Variants in QSOX2 observed in about 807,000 individuals in gnomAD.
The protein encoded by QSOX2 is sulfhydryl oxidase 2.
In QSOX2, 46 loss-of-function variants were observed where a neutral mutation model predicts 61.7. That is an observed-to-expected ratio of 0.75 (90% CI 0.59 to 0.95). The LOEUF is 0.95. QSOX2 is among the 40% of genes least tolerant of loss of function. The probability of loss-of-function intolerance (pLI) is 0.00; values close to 1 mark genes in which losing one functional copy is unlikely to be tolerated. For missense variants in QSOX2, 879 were observed against 918.9 expected, an observed-to-expected ratio of 0.96 and a Z score of 0.56; for synonymous variants, 383 against 388.4, an observed-to-expected ratio of 0.99 and a Z score of 0.16.
At chr9:136,216,477 C>G in intron 9 of QSOX2, 123 bp downstream of exon 9, 1 of 1,334,076 alleles carries the variant, frequency 7.5e-7, no homozygotes, top group Non-Finnish European at 1.0e-6. Flanking sequence ...GACAGTAAGT[C>G]ACTGCTCCCC....
At chr9:136,219,261 C>G in intron 6 of QSOX2, 97 bp from the exon 7 acceptor site, 5 of 1,429,012 alleles carry the variant, frequency 3.5e-6, no homozygotes, top group Non-Finnish European at 4.7e-6. Context: ...CCACCCCTTT[C>G]ATCCTTTGGG....
At chr9:136,245,260 G>T (rs1468708258) in intron 1 of QSOX2, among the ~76,000 whole-genome samples, 2 of 152,196 alleles carry the variant, frequency 1.3e-5, no homozygotes, top group African/African-American at 4.8e-5. Flanking sequence ...GGATTAACTG[G>T]GAGAGACATG....
chr9:136,222,066 G>C lies in QSOX2; in HGVS notation c.676-125C>G. On this transcript the variant is annotated intron_variant, in intron 5 of 11. Transcript: ENST00000358701. This position sits in a 1 kb window ranked among gnomAD's most constrained non-coding sequence, Gnocchi z 6.9. ...GGGCATGAAGTCTGTCCCCCTGCAG[G>C]CAAGACCCTCACTCAAATCTTCACT... 1 of 954,972 alleles carries C rather than the reference G, an allele frequency of 1.0e-6. No individual in the cohort carries two copies. The highest frequency in any genetic ancestry group is 1.5e-6 in the Non-Finnish European group (1 of 684,356). The allele number at this position is 954,972 out of a possible 1,614,324, so 59.2% of individuals were successfully genotyped here.
intron 7 of QSOX2, 57 bp downstream of exon 7, chr9:136,218,973 C>T: frequency 1.3e-6 from 2 of 1,594,372 alleles, no homozygotes. Context: ...TGCAAGCACG[C>T]AGCCTTCGGT....
chr9:136,217,495 A>T (rs1831928445), intron 8 of QSOX2, among the ~76,000 whole-genome samples: 1 of 152,134 alleles, frequency 6.6e-6, no homozygotes, highest in Non-Finnish European at 1.5e-5. Flanking sequence ...AGTCCAATAT[A>T]TTTTCTCCCG....
chr9:136,245,654 G>T lies in QSOX2; in HGVS notation c.150C>A (p.Gly50=). The change falls in exon 1 of 12, where the codon GGC becomes GGA. Residue 50 remains glycine, a synonymous_variant. Coordinates refer to ENST00000358701, the MANE Select transcript of QSOX2 (RefSeq NM_181701.4). The part of the protein sequence containing the change: ...LAAAAVGPGA[G]GAARLYRAGE... The stretch of plus-strand genomic sequence containing the variant: ...CCGCGCGGTACAGCCGCGCCGCACC[G>T]CCCGCGCCCGGCCCCACCGCCGCCG... The T allele has an allele frequency of 1.6e-6, 2 of 1,257,024 alleles. No individual in the cohort carries two copies. The highest frequency in any genetic ancestry group is 3.1e-5 in the African/African-American group (2 of 63,562). 77.9% of individuals were successfully genotyped at this position (1,257,024 alleles called of 1,614,324 possible). A position where few individuals can be genotyped will look rare whatever the true frequency, so the allele number is the denominator to read the frequency against.
chr9:136,226,074 C>T (rs372261692), intron 2 of QSOX2, among the ~76,000 whole-genome samples: 2 of 152,200 alleles, frequency 1.3e-5, no homozygotes, highest in African/African-American at 2.4e-5. Flanking sequence ...AAAATACAAG[C>T]GAAGCCACCA....
intron 1 of QSOX2, among the ~76,000 whole-genome samples, chr9:136,234,274 C>T (rs7864754): frequency 0.43 from 65,831 of 152,164 alleles, 15,756 homozygotes; most frequent in African/African-American, 0.67. Flanking sequence ...GACCGTTTGT[C>T]ACTGGTAAGG....
At chr9:136,235,238 G>A (rs1316620412) in intron 1 of QSOX2, among the ~76,000 whole-genome samples, 2 of 152,240 alleles carry the variant, frequency 1.3e-5, no homozygotes, top group Admixed American at 1.3e-4. Flanking sequence ...CACGAGTGCT[G>A]GCACAGCACA....
At chr9:136,240,336 T>A (rs545709576) in intron 1 of QSOX2, among the ~76,000 whole-genome samples, 1 of 152,246 alleles carries the variant, frequency 6.6e-6, no homozygotes, top group Non-Finnish European at 1.5e-5. Context: ...TTACTGCTTG[T>A]CACGTTCTAA....
intron 1 of QSOX2, among the ~76,000 whole-genome samples, chr9:136,232,204 C>T (rs115056151): frequency 5.8e-4 from 89 of 152,284 alleles, no homozygotes; most frequent in African/African-American, 2.1e-3. Context: ...TTGCACTTCG[C>T]GTGGCAGTTT....
At chr9:136,211,143 G>C in intron 11 of QSOX2, 121 bp downstream of exon 11, 1 of 1,088,746 alleles carries the variant, frequency 9.2e-7, no homozygotes, top group Middle Eastern at 3.0e-4. Flanking sequence ...TCAGCACAGT[G>C]GGTGGCACGA....
chr9:136,244,919 T>C (rs780386029), intron 1 of QSOX2, among the ~76,000 whole-genome samples: 1 of 152,168 alleles, frequency 6.6e-6, no homozygotes, highest in African/African-American at 2.4e-5. Context: ...AAGTTGTGGG[T>C]TCACTTTGAG....
At chr9:136,228,556 C>A (rs1830303239) in intron 1 of QSOX2, among the ~76,000 whole-genome samples, 1 of 152,224 alleles carries the variant, frequency 6.6e-6, no homozygotes, top group African/African-American at 2.4e-5. Flanking sequence ...CCTAAAGGGG[C>A]ACCACTGGGT....
chr9:136,243,356 C>G (rs889786862), intron 1 of QSOX2, among the ~76,000 whole-genome samples: 1 of 152,218 alleles, frequency 6.6e-6, no homozygotes, highest in African/African-American at 2.4e-5. Flanking sequence ...CCTCTATTCT[C>G]CCCAAGGCTG....
At position 136,222,099 on chromosome 9, in the gene QSOX2, C is replaced by T. The variant is rs1323105730; in HGVS notation, c.676-158G>A. ...CTCACTCAAATCTTCACTCTCATTG[C>T]ACTTTAAGGCAACTGACGGCACACA... On this transcript the variant is annotated intron_variant, in intron 5 of 11. Transcript: ENST00000358701. The surrounding 1 kb of genome is among the most constrained non-coding windows in gnomAD (Gnocchi z 6.9). Among the ~76,000 whole-genome samples, 1 of 137,510 alleles carries T rather than the reference C, an allele frequency of 7.3e-6. No homozygotes were observed. Among genetic ancestry groups the T allele is most frequent in the East Asian group, 2.1e-4 (1 of 4,850 alleles). The allele number at this position is 137,510 out of a possible 152,430, so 90.2% of individuals were successfully genotyped here. A position where few individuals can be genotyped will look rare whatever the true frequency, so the allele number is the denominator to read the frequency against.
At chr9:136,218,619 G>T in intron 8 of QSOX2, 60 bp downstream of exon 8, 1 of 1,563,054 alleles carries the variant, frequency 6.4e-7, no homozygotes, top group Admixed American at 1.8e-5. Flanking sequence ...ACGCCCCCCA[G>T]GGCCCACTCT....
intron 1 of QSOX2, among the ~76,000 whole-genome samples, chr9:136,229,398 C>T (rs919201133): frequency 2.6e-5 from 4 of 152,256 alleles, no homozygotes; most frequent in African/African-American, 7.2e-5. Context: ...CTCCTCAGCC[C>T]GTGCATCCTG....
At chr9:136,213,239 T>A (rs941493251) in intron 10 of QSOX2, among the ~76,000 whole-genome samples, 4 of 136,286 alleles carry the variant, frequency 2.9e-5, no homozygotes, top group Non-Finnish European at 4.7e-5. Context: ...AGCAGTTTTG[T>A]TGTGTTTTTT....
Sources: allele counts gnomAD v4.1 joint callset (sites outside exome capture counted in the v4.1 genomes callset), GRCh38; gene constraint gnomAD v4.1.1; non-coding constraint Gnocchi (gnomAD v3.1); transcripts MANE v1.5; gene names NCBI Gene and HGNC (gene_info 2026-07-23, HGNC 2026-07-21).